SLC35H1: variants seen among roughly 807,000 people sequenced by gnomAD.
SLC35H1 encodes ovarian cancer-overexpressed gene 1 protein.
the SLC35H1 span, among the ~76,000 whole-genome samples, chr20:46,362,843 C>G: frequency 9.2e-5 from 14 of 152,130 alleles, no homozygotes; most frequent in Non-Finnish European, 1.8e-4. Flanking sequence ...CTCGGCTCAC[C>G]GCAAACTCCG....
At chr20:46,354,512 C>A in the SLC35H1 span, among the ~76,000 whole-genome samples, 1 of 152,154 alleles carries the variant, frequency 6.6e-6, no homozygotes, top group African/African-American at 2.4e-5. Context: ...CATTTACGAG[C>A]TATGGGACCT....
At chr20:46,353,007 G>A in the SLC35H1 span, 2 of 152,328 alleles carry the variant, frequency 1.3e-5, no homozygotes, top group African/African-American at 2.4e-5. Flanking sequence ...ACCAAGTGAC[G>A]AAGGACCAAC....
chr20:46,356,818 G>C, the SLC35H1 span, among the ~76,000 whole-genome samples: 1 of 152,220 alleles, frequency 6.6e-6, no homozygotes, highest in African/African-American at 2.4e-5. Flanking sequence ...CCAAAGGTCG[G>C]GGGCTGCTCT....
chr20:46,362,532 T>C, the SLC35H1 span, among the ~76,000 whole-genome samples: 1 of 152,160 alleles, frequency 6.6e-6, no homozygotes, highest in Non-Finnish European at 1.5e-5. Flanking sequence ...GACCCTAAGT[T>C]ACTTGACCTC....
the SLC35H1 span, chr20:46,348,266 G>A: frequency 6.6e-6 from 1 of 152,168 alleles, no homozygotes; most frequent in African/African-American, 2.4e-5. Context: ...CGAGGTAAGG[G>A]CCCCCGCTCT....
the SLC35H1 span, chr20:46,356,720 G>T: frequency 7.4e-7 from 1 of 1,356,724 alleles, no homozygotes; most frequent in Non-Finnish European, 1.0e-6. Context: ...GCACCTGAGT[G>T]TCCCCCACTT....
the SLC35H1 span, chr20:46,357,543 T>G: frequency 6.6e-7 from 1 of 1,509,548 alleles, no homozygotes; most frequent in Non-Finnish European, 9.0e-7. Flanking sequence ...CTTCCAGACA[T>G]GCGGGTGTCT....
chr20:46,353,670 G>C, the SLC35H1 span, among the ~76,000 whole-genome samples: 1 of 152,130 alleles, frequency 6.6e-6, no homozygotes, highest in South Asian at 2.1e-4. Flanking sequence ...GAAGGCGCTT[G>C]GGGGATTAAT....
At chr20:46,353,290 C>T in the SLC35H1 span, 1,525 of 152,384 alleles carry the variant, frequency 0.01, 11 homozygotes, top group Non-Finnish European at 0.012. Flanking sequence ...TGGCCCCTTG[C>T]TCCAGAAACA....
the SLC35H1 span, chr20:46,350,107 A>C: frequency 3.7e-6 from 1 of 269,836 alleles, no homozygotes; most frequent in African/African-American, 2.2e-5. Flanking sequence ...CGGCTGTCAG[A>C]GCCTGGGAAG....
the SLC35H1 span, among the ~76,000 whole-genome samples, chr20:46,354,457 G>C: frequency 6.6e-6 from 1 of 152,196 alleles, no homozygotes; most frequent in Non-Finnish European, 1.5e-5. Context: ...GTTAAGAGTA[G>C]GGCTGGACCA....
the SLC35H1 span, chr20:46,358,604 T>A: frequency 1.3e-6 from 2 of 1,592,408 alleles, no homozygotes; most frequent in Non-Finnish European, 1.7e-6. Context: ...AGACCACAGC[T>A]TTCACCAAGA....
At chr20:46,352,233 GC>G in the SLC35H1 span, 3 of 1,613,686 alleles carry the variant, frequency 1.9e-6, no homozygotes, top group Admixed American at 5.0e-5. Flanking sequence ...AGACCTGAAA[GC>G]AACAGGGAGA....
chr20:46,358,446 C>A, the SLC35H1 span: 3 of 1,614,208 alleles, frequency 1.9e-6, no homozygotes, highest in Middle Eastern at 1.6e-4. Context: ...TAGAGAAGCA[C>A]CAGCCCCAGG....
the SLC35H1 span, chr20:46,356,431 G>C: frequency 1.3e-6 from 1 of 766,220 alleles, no homozygotes; most frequent in South Asian, 1.7e-5. Flanking sequence ...AGAGCTGCTG[G>C]GTGCCAGGGA....
chr20:46,358,342 G>A, the SLC35H1 span: 3 of 1,554,044 alleles, frequency 1.9e-6, no homozygotes, highest in South Asian at 2.2e-5. Flanking sequence ...CATGGCTCTG[G>A]CCACCTTCAT....
chr20:46,354,355 C>T, the SLC35H1 span, among the ~76,000 whole-genome samples: 1 of 152,312 alleles, frequency 6.6e-6, no homozygotes, highest in Non-Finnish European at 1.5e-5. Context: ...ACCCTCCAAA[C>T]CACGGCCTGG....
At chr20:46,347,513 T>A in the SLC35H1 span, 1 of 152,252 alleles carries the variant, frequency 6.6e-6, no homozygotes, top group Non-Finnish European at 1.5e-5. Context: ...ATGTAGCCAG[T>A]ACTCACTGAA....
the SLC35H1 span, chr20:46,355,675 GA>G: frequency 7.2e-7 from 1 of 1,385,796 alleles, no homozygotes; most frequent in Non-Finnish European, 9.9e-7. The surrounding 1 kb of genome is among the most constrained non-coding windows in gnomAD (Gnocchi z 4.8). Flanking sequence ...CTCAGAAAGG[GA>G]TCTACTGCCA....
Sources: gnomAD v4.1 joint callset for allele counts (sites outside exome capture counted in the v4.1 genomes callset) on GRCh38, gnomAD v4.1.1 for gene constraint, Gnocchi (gnomAD v3.1) non-coding constraint, MANE v1.5 for transcripts, NCBI Gene and HGNC (gene_info 2026-07-23, HGNC 2026-07-21) for gene names.